HDAC9: variants seen among roughly 807,000 people sequenced by gnomAD.
HDAC9 encodes the protein histone deacetylase 9, also known as MEF-2 interacting transcription repressor (MITR) protein.
HDAC9 carries 41 observed loss-of-function variants against 139.4 expected under a neutral mutation model. The ratio of observed to expected loss-of-function variants is 0.29; its 90% CI spans 0.23 to 0.38. HDAC9 has a LOEUF of 0.38. HDAC9 is among the 10% of genes least tolerant of loss of function. The probability of loss-of-function intolerance (pLI) is 1.00; values close to 1 mark genes in which losing one functional copy is unlikely to be tolerated. For synonymous variants in HDAC9, 517 were observed against 476.2 expected (o/e 1.09, Z -1.12); for missense variants, 1,147 against 1,297.0 (o/e 0.88, Z 1.78).
intron 17 of HDAC9, among the ~76,000 whole-genome samples, chr7:18,802,019 T>C (rs886657751): frequency 3.9e-5 from 6 of 151,912 alleles, no homozygotes; most frequent in African/African-American, 1.4e-4. Context: ...CTTTGGCCTT[T>C]GTAGATGTCA....
At chr7:18,523,255 A>G (rs1374338286) in intron 2 of HDAC9, among the ~76,000 whole-genome samples, 8 of 152,222 alleles carry the variant, frequency 5.3e-5, no homozygotes, top group Non-Finnish European at 1.2e-4. Flanking sequence ...TACTTCTTGG[A>G]AAAGTAACTT....
At chr7:18,530,036 T>C (rs965585422) in intron 2 of HDAC9, among the ~76,000 whole-genome samples, 5 of 150,878 alleles carry the variant, frequency 3.3e-5, no homozygotes, top group African/African-American at 1.2e-4. Context: ...TTTGGGGGGG[T>C]GTGGCAGGAG....
At chr7:18,894,170 G>C (rs1459937934) in intron 22 of HDAC9, among the ~76,000 whole-genome samples, 1 of 152,116 alleles carries the variant, frequency 6.6e-6, no homozygotes, top group Non-Finnish European at 1.5e-5. Context: ...GAACTGAAAT[G>C]GGGAAAGATG....
chr7:18,589,027 G>C (rs1403476970), intron 3 of HDAC9, among the ~76,000 whole-genome samples: 1 of 152,152 alleles, frequency 6.6e-6, no homozygotes, highest in Non-Finnish European at 1.5e-5. Flanking sequence ...ATATGCGGCT[G>C]AAGAGAGATA....
At chr7:18,137,242 A>G (rs1178367) in intron 1 of HDAC9, among the ~76,000 whole-genome samples, 71,330 of 89,344 alleles carry the variant, frequency 0.8, 28,560 homozygotes, top group Middle Eastern at 0.84. Context: ...CAATCATGTC[A>G]TCTGCAAACA....
chr7:18,886,685 AG>A (rs1187977365), intron 22 of HDAC9, among the ~76,000 whole-genome samples: 1 of 152,216 alleles, frequency 6.6e-6, no homozygotes, highest in African/African-American at 2.4e-5. Context: ...CTAATAGCTT[AG>A]ATTTCTATTT....
Position 18,313,134 on chromosome 7 carries a change from T to C in HDAC9, c.-42+22619T>C, listed in dbSNP as rs113018098. On this transcript the variant is annotated intron_variant, in intron 1 of 3. Transcript: ENST00000413509. ...GCTTTACGAAGAAAACATTTCTTCA[T>C]CACCTGAGTTTTCGGTCACCCATGA... is the stretch of plus-strand genomic sequence containing the variant. Among the ~76,000 whole-genome samples, 285 of 152,276 alleles carry C rather than the reference T, an allele frequency of 1.9e-3. 2 individuals carry two copies. The highest frequency in any genetic ancestry group is 6.5e-3 in the African/African-American group (271 of 41,566).
At chr7:18,198,343 T>C (rs2128157450) in intron 2 of HDAC9, among the ~76,000 whole-genome samples, 1 of 152,280 alleles carries the variant, frequency 6.6e-6, no homozygotes, top group Non-Finnish European at 1.5e-5. Flanking sequence ...TTTCTTTTAA[T>C]ATCAACACCA....
chr7:18,937,220 A>G (rs918571548), intron 23 of HDAC9, among the ~76,000 whole-genome samples: 2 of 151,804 alleles, frequency 1.3e-5, no homozygotes, highest in Non-Finnish European at 2.9e-5. Flanking sequence ...TTGTATTTTT[A>G]GTAGAGACGG....
chr7:18,722,918 T>C (rs781121586), intron 12 of HDAC9, among the ~76,000 whole-genome samples: 1 of 152,200 alleles, frequency 6.6e-6, no homozygotes, highest in Non-Finnish European at 1.5e-5. Flanking sequence ...AACTGTTTAG[T>C]TTAAATAACA....
intron 22 of HDAC9, among the ~76,000 whole-genome samples, chr7:18,884,235 G>T (rs1355878208): frequency 3.9e-5 from 6 of 152,062 alleles, no homozygotes; most frequent in Non-Finnish European, 7.4e-5. Context: ...ACCCTGAATA[G>T]CCTAAGCAAT....
chr7:18,782,777 A>G (rs186477557), intron 16 of HDAC9, among the ~76,000 whole-genome samples: 58 of 152,028 alleles, frequency 3.8e-4, no homozygotes, highest in African/African-American at 1.3e-3. Context: ...TAAGCACTTT[A>G]TATGTATTGA....
chr7:18,611,849 A>G (rs1837242451), intron 6 of HDAC9, among the ~76,000 whole-genome samples: 3 of 152,182 alleles, frequency 2.0e-5, no homozygotes, highest in Admixed American at 2.0e-4. Flanking sequence ...AAAAGCAATG[A>G]TGAGAGATAT....
intron 2 of HDAC9, among the ~76,000 whole-genome samples, chr7:18,201,054 G>A (rs903643086): frequency 2.6e-5 from 4 of 152,160 alleles, no homozygotes; most frequent in African/African-American, 9.7e-5. Context: ...AGGGGAGCCA[G>A]GCCCAGTTCC....
chr7:18,202,424 G>T (rs1283537924), intron 2 of HDAC9, among the ~76,000 whole-genome samples: 1 of 151,916 alleles, frequency 6.6e-6, no homozygotes, highest in Non-Finnish European at 1.5e-5. Context: ...GGTGCATGTT[G>T]CACAGACACT....
intron 22 of HDAC9, among the ~76,000 whole-genome samples, chr7:18,880,851 G>C (rs879425097): frequency 4.0e-5 from 6 of 149,812 alleles, no homozygotes; most frequent in Admixed American, 4.0e-4. Context: ...GCCGGGGGGG[G>C]GGGAACCAAA....
chr7:18,207,419 TTAATAAAGATA>T (rs1487149501), intron 2 of HDAC9, among the ~76,000 whole-genome samples: 1 of 151,918 alleles, frequency 6.6e-6, no homozygotes, highest in Non-Finnish European at 1.5e-5. Flanking sequence ...TTATTTATTT[TTAATAAAGATA>T]GGTTCTCACT....
intron 1 of HDAC9, among the ~76,000 whole-genome samples, chr7:18,129,673 TACTC>T (rs1044672695): frequency 2.0e-5 from 3 of 152,178 alleles, no homozygotes; most frequent in East Asian, 1.9e-4. Context: ...CTGGTTGTGG[TACTC>T]ACTCATTCAT....
rs923000403 is a variant in HDAC9 at position 19,000,229 on chromosome 7, G to A, written c.*4167G>A. On this transcript the variant is annotated 3_prime_UTR_variant, in exon 26 of 26. Coordinates refer to ENST00000686413, the MANE Select transcript of HDAC9 (RefSeq NM_178425.4). Reference sequence around the variant, plus strand: ...CACTATTGTAGTACAGTCTCCAGCAGGATTTTGTACCATGTGCTGCCTTTG... The same window carrying A: ...CACTATTGTAGTACAGTCTCCAGCAAGATTTTGTACCATGTGCTGCCTTTG... 3.9e-5 allele frequency: 6 copies of A among 152,156 alleles called. No individual in the cohort carries two copies. The highest frequency in any genetic ancestry group is 1.4e-4 in the African/African-American group (6 of 41,430). The allele number at this position is 152,156 out of a possible 1,614,324, so 9.4% of individuals were successfully genotyped here.
Sources: allele counts gnomAD v4.1 joint callset (sites outside exome capture counted in the v4.1 genomes callset), GRCh38; gene constraint gnomAD v4.1.1; transcripts MANE v1.5; gene names NCBI Gene and HGNC (gene_info 2026-07-23, HGNC 2026-07-21).